Variants in HSPA8 observed in about 807,000 individuals in gnomAD.
The protein encoded by HSPA8 is heat shock protein family A (Hsp70) member 8.
HSPA8 carries 2 observed loss-of-function variants against 52.8 expected under a neutral mutation model. The ratio of observed to expected loss-of-function variants is 0.04; its 90% CI spans 0.02 to 0.12. The LOEUF is 0.12. Ranked by LOEUF, HSPA8 falls within the 10% of genes least tolerant of loss-of-function variation. The pLI, the probability that HSPA8 is intolerant of heterozygous loss-of-function variation, is 1.00. For missense variants in HSPA8, 349 were observed against 800.5 expected, an observed-to-expected ratio of 0.44 and a Z score of 6.81; for synonymous variants, 436 against 274.0, an observed-to-expected ratio of 1.59 and a Z score of -5.84.
Position 123,059,089 on chromosome 11 carries a change from A to G in HSPA8, c.1293T>C (p.Tyr431=). ...TAAGCACACCAGGCTGGTTGTCAGA[A>G]TAGGTAGTGAAGGTCTGTGTCTGCT... ...PTKQTQTFTT[Y]SDNQPGVLIQ... The change falls in exon 6 of 9, where the codon TAT becomes TAC. Residue 431 remains tyrosine, a synonymous_variant. Coordinates refer to ENST00000534624, the MANE Select transcript of HSPA8 (RefSeq NM_006597.6). 3 of 1,612,654 alleles carry G rather than the reference A, an allele frequency of 1.9e-6. No homozygotes were observed. The highest frequency in any genetic ancestry group is 1.3e-5 in the African/African-American group (1 of 75,016).
Position 123,060,626 on chromosome 11 carries a change from C to T in HSPA8, c.378G>A (p.Lys126=), listed in dbSNP as rs374961418. Residue 126 remains lysine (K), a synonymous_variant, in exon 3 of 9, where the codon AAG becomes AAA. Coordinates refer to ENST00000534624, the MANE Select transcript of HSPA8 (RefSeq NM_006597.6). ...GGTAGGCTTCTGCAATTTCCTTCATCTTTGTCAGAACCATAGAAGACACCT... is the reference window on the plus strand; with the variant it reads ...GGTAGGCTTCTGCAATTTCCTTCATTTTTGTCAGAACCATAGAAGACACCT... ...PEEVSSMVLT[K]MKEIAEAYLG... is the part of the protein sequence containing the mutation. The T allele has an allele frequency of 1.2e-4, 193 of 1,613,716 alleles. No homozygotes were observed. The highest frequency in any genetic ancestry group is 1.6e-4 in the Middle Eastern group (1 of 6,078).
At position 123,059,149 on chromosome 11, in the gene HSPA8, A is replaced by C. The variant is rs1163226600; in HGVS notation, c.1233T>G (p.Thr411=). 1 of 1,612,020 alleles carries C rather than the reference A, an allele frequency of 6.2e-7. No individual in the cohort carries two copies. Among genetic ancestry groups the C allele is most frequent in the Non-Finnish European group, 8.5e-7 (1 of 1,179,906 alleles). Residue 411 remains threonine, a synonymous_variant, in exon 6 of 9, where the codon ACT becomes ACG. Transcript: ENST00000534624. The part of the protein sequence containing the change: ...LGIETAGGVM[T]VLIKRNTTIP... ...TGGTGGTATTACGCTTGATGAGGAC[A>C]GTCATGACTCCACCAGCAGTTTCAA...
chr11:123,059,397 T>C (rs1181548858), intron 5 of HSPA8, 76 bp downstream of exon 5: 1 of 1,406,974 alleles, frequency 7.1e-7, no homozygotes, highest in Non-Finnish European at 9.8e-7. Flanking sequence ...AAACTACGAA[T>C]GTTTAACAAT....
At chr11:123,060,399 A>G (rs1045951736) in intron 3 of HSPA8, 131 bp from the exon 4 acceptor site, 3 of 994,604 alleles carry the variant, frequency 3.0e-6, no homozygotes, top group Admixed American at 2.2e-5. Context: ...TTACTGTGTA[A>G]TTGTCAAGAT....
At position 123,060,028 on chromosome 11, in the gene HSPA8, C is replaced by A; in HGVS notation, c.565G>T (p.Val189Phe). The stretch of plus-strand genomic sequence containing the variant: ...ATGAGCACGTTTCTTTCTGCTCCAA[C>A]CTGCCGTTAAAAACAATCTCATTTA... Reference protein sequence around the residue: ...AAIAYGLDKKVGAERNVLIFD... With the variant: ...AAIAYGLDKKFGAERNVLIFD... The change falls in exon 5 of 9, where the codon GTT becomes TTT. Residue 189 changes from valine to phenylalanine, a missense_variant and splice_region_variant. Val to Phe is a conservative substitution (Grantham distance 50). Transcript: ENST00000534624. 6.2e-7 allele frequency: 1 copy of A among 1,613,996 alleles called. No individual in the cohort carries two copies. Among genetic ancestry groups the A allele is most frequent in the East Asian group, 2.2e-5 (1 of 44,884 alleles).
Position 123,060,855 on chromosome 11 carries a change from C to T in HSPA8, c.206-57G>A, listed in dbSNP as rs930308439. 18 of 1,477,760 alleles carry T rather than the reference C, an allele frequency of 1.2e-5. No homozygotes were observed. The East Asian group carries it at 4.1e-4, about 33-fold the overall frequency. 91.5% of individuals were successfully genotyped at this position (1,477,760 alleles called of 1,614,324 possible). On this transcript the variant is annotated intron_variant, in intron 2 of 8. Coordinates refer to ENST00000534624, the MANE Select transcript of HSPA8 (RefSeq NM_006597.6). The stretch of plus-strand genomic sequence containing the variant: ...ATTTCATAGCTCTTCTGATAAAACT[C>T]AAGTCCATGATTACTCAAATACCTA...
chr11:123,059,037 C>T, intron 6 of HSPA8, 22 bp downstream of exon 6: 2 of 1,599,718 alleles, frequency 1.3e-6, no homozygotes, highest in Non-Finnish European at 1.7e-6. Context: ...GTAAGCCAAA[C>T]AAGAGAAGTA....
At chr11:123,060,559 C>T (rs763512758) in intron 3 of HSPA8, 34 bp downstream of exon 3, 10 of 1,505,872 alleles carry the variant, frequency 6.6e-6, no homozygotes, top group Admixed American at 1.7e-5. Flanking sequence ...TTAACTACTC[C>T]GGAATGCACC....
At chr11:123,060,062 A>T in intron 4 of HSPA8, 34 bp from the exon 5 acceptor site, 1 of 1,614,064 alleles carries the variant, frequency 6.2e-7, no homozygotes, top group East Asian at 2.2e-5. Flanking sequence ...TAAATTTACG[A>T]TGGATCAAAT....
At chr11:123,061,424 A>G (rs1412405330) in intron 1 of HSPA8, 95 bp from the exon 2 acceptor site, 4 of 931,462 alleles carry the variant, frequency 4.3e-6, no homozygotes, top group Non-Finnish European at 6.7e-6. Flanking sequence ...ACGTATGGCC[A>G]CTGCCAAGAG....
At chr11:123,060,539 C>A in intron 3 of HSPA8, 54 bp downstream of exon 3, 1 of 1,352,876 alleles carries the variant, frequency 7.4e-7, no homozygotes, top group South Asian at 1.2e-5. Context: ...CCCCGGGAGT[C>A]ATCGGGCTTT....
chr11:123,061,392 A>C, intron 1 of HSPA8, 63 bp from the exon 2 acceptor site: 2 of 1,267,920 alleles, frequency 1.6e-6, no homozygotes, highest in South Asian at 1.3e-5. Flanking sequence ...TCATCCCTTA[A>C]CAGAACACTT....
In HSPA8 at chr11:123,059,068, C is replaced by G. The variant is rs774454573; in HGVS notation, c.1314G>C (p.Val438=). The G allele has an allele frequency of 2.5e-6, 4 of 1,612,508 alleles. No homozygotes were observed. The African/African-American group carries it at 5.3e-5, about 22-fold the overall frequency. Residue 438 remains valine (V), a synonymous_variant, in exon 6 of 9, where the codon GTG becomes GTC. Coordinates refer to ENST00000534624, the MANE Select transcript of HSPA8 (RefSeq NM_006597.6). ...AAGTACAGAAACATACCTGAATAAG[C>G]ACACCAGGCTGGTTGTCAGAATAGG... ...FTTYSDNQPG[V]LIQVYEGERA... is the part of the protein sequence containing the mutation.
At chr11:123,060,856 A>G in intron 2 of HSPA8, 58 bp from the exon 3 acceptor site, 1 of 1,472,138 alleles carries the variant, frequency 6.8e-7, no homozygotes, top group Non-Finnish European at 9.5e-7. Context: ...GATAAAACTC[A>G]AGTCCATGAT....
rs185125955 is a variant in HSPA8, at chr11:123,059,450, G to A, written c.1120+23C>T. Reference sequence around the variant, plus strand: ...CACCTTGGGCCTGCCTGCCTTTAGGGTTAATTGAGATACCATTGTTACCTG... The same window carrying A: ...CACCTTGGGCCTGCCTGCCTTTAGGATTAATTGAGATACCATTGTTACCTG... On this transcript the variant is annotated intron_variant, in intron 5 of 8. Coordinates refer to ENST00000534624, the MANE Select transcript of HSPA8 (RefSeq NM_006597.6). The A allele has an allele frequency of 2.2e-4, 343 of 1,593,960 alleles. No homozygotes were observed. The African/African-American group carries it at 3.5e-3, about 16-fold the overall frequency.
intron 6 of HSPA8, 43 bp downstream of exon 6, chr11:123,059,016 A>T: frequency 6.5e-7 from 1 of 1,543,626 alleles, no homozygotes; most frequent in Non-Finnish European, 9.0e-7. Flanking sequence ...ACTTCCCTTT[A>T]TCTGTTATCA....
chr11:123,059,211 A>G lies in HSPA8; in HGVS notation c.1171T>C (p.Leu391=). 1 of 1,612,434 alleles carries G rather than the reference A, an allele frequency of 6.2e-7. No individual in the cohort carries two copies. The highest frequency in any genetic ancestry group is 1.1e-5 in the South Asian group (1 of 91,002). The change falls in exon 6 of 9, where the codon TTG becomes CTG. Residue 391 remains leucine, a synonymous_variant. Coordinates refer to ENST00000534624, the MANE Select transcript of HSPA8 (RefSeq NM_006597.6). ...AGAGGAGTGACATCCAAGAGCAGCAAATCTTGAACATTCTCAGACTTGTCT... is the reference window on the plus strand; with the variant it reads ...AGAGGAGTGACATCCAAGAGCAGCAGATCTTGAACATTCTCAGACTTGTCT... The part of the protein sequence containing the change: ...SGDKSENVQD[L]LLLDVTPLSL...
At position 123,059,138 on chromosome 11, in the gene HSPA8, T is replaced by G; in HGVS notation, c.1244A>C (p.Lys415Thr). The G allele has an allele frequency of 6.2e-7, 1 of 1,612,186 alleles. No individual in the cohort carries two copies. Among genetic ancestry groups the G allele is most frequent in the Non-Finnish European group, 8.5e-7 (1 of 1,179,982 alleles). ...CTTGGTAGGAATGGTGGTATTACGCTTGATGAGGACAGTCATGACTCCACC... is the reference window on the plus strand; with the variant it reads ...CTTGGTAGGAATGGTGGTATTACGCGTGATGAGGACAGTCATGACTCCACC... ...TAGGVMTVLI[K>T]RNTTIPTKQT... is the part of the protein sequence containing the mutation. Residue 415 changes from lysine (K) to threonine (T), a missense_variant, in exon 6 of 9, where the codon AAG (lysine) becomes ACG (threonine). Transcript: ENST00000534624.
At position 123,059,466 on chromosome 11, in the gene HSPA8, T is replaced by C. The variant is rs752582538; in HGVS notation, c.1120+7A>G. 17 of 1,609,216 alleles carry C rather than the reference T, an allele frequency of 1.1e-5. No individual in the cohort carries two copies. The highest frequency in any genetic ancestry group is 7.7e-5 in the South Asian group (7 of 90,592). ...GCCTTTAGGGTTAATTGAGATACCA[T>C]TGTTACCTGCACCATAAGCAACAGC... On this transcript the variant is annotated splice_region_variant and intron_variant, in intron 5 of 8. Transcript: ENST00000534624.
Sources: gnomAD v4.1 joint callset for allele counts on GRCh38, gnomAD v4.1.1 for gene constraint, MANE v1.5 for transcripts, NCBI Gene and HGNC (gene_info 2026-07-23, HGNC 2026-07-21) for gene names.